ADPRHL1: variants seen among roughly 807,000 people sequenced by gnomAD.
ADPRHL1 encodes ADP-ribosylhydrolase like 1.
In ADPRHL1, 43 loss-of-function variants were observed where a neutral mutation model predicts 44.1. The observed-to-expected ratio is 0.98, with a 90% CI of 0.76 to 1.26. The LOEUF is 1.26. Ranked by LOEUF, ADPRHL1 falls within the 50% of genes most tolerant of loss-of-function variation. The pLI is 0.00. For synonymous variants in ADPRHL1, 878 were observed against 1,017.4 expected (o/e 0.86, Z 2.61); for missense variants, 2,022 against 2,496.9 (o/e 0.81, Z 4.05).
In ADPRHL1 at chr13:113,405,657, C is replaced by T. The variant is rs1170097653; in HGVS notation, c.3625G>A (p.Ala1209Thr). 2.1e-5 allele frequency: 26 copies of T among 1,232,616 alleles called. No homozygotes were observed. Among genetic ancestry groups the T allele is most frequent in the Middle Eastern group, 3.1e-4 (1 of 3,236 alleles). 76.4% of individuals were successfully genotyped at this position (1,232,616 alleles called of 1,614,324 possible). A position where few individuals can be genotyped will look rare whatever the true frequency, so the allele number is the denominator to read the frequency against. ...VQHPEDIATL[A>T]RHPEDAAALA... is the part of the protein sequence containing the mutation. Reference sequence around the variant, plus strand: ...GCCGCAGCATCCTCCGGGTGGCGGGCGAGGGTCGCAATGTCCTCTGGGTGC... The same window carrying T: ...GCCGCAGCATCCTCCGGGTGGCGGGTGAGGGTCGCAATGTCCTCTGGGTGC... The change falls in exon 8 of 8, where the codon GCC (alanine) becomes ACC (threonine). Residue 1209 changes from alanine (A) to threonine (T), a missense_variant. Transcript: ENST00000612156.
chr13:113,412,619 C>T (rs1049678990), intron 7 of ADPRHL1, among the ~76,000 whole-genome samples: 2 of 152,246 alleles, frequency 1.3e-5, no homozygotes, highest in African/African-American at 4.8e-5. Flanking sequence ...TCCAGAGCAG[C>T]GTTGGGCACA....
At chr13:113,436,366 AGGTG>A (rs1329929207) in intron 2 of ADPRHL1, among the ~76,000 whole-genome samples, 7 of 112,146 alleles carry the variant, frequency 6.2e-5, no homozygotes, top group Non-Finnish European at 1.1e-4. Flanking sequence ...CCCAGCACCC[AGGTG>A]TAGGGTGAAC....
In ADPRHL1 at chr13:113,408,091, C is replaced by T. The variant is rs576280147; in HGVS notation, c.1191G>A (p.Thr397=). Reference sequence around the variant, plus strand: ...TCCCCGGGGGCCGGTCTGCGCGGCCCGTGACGTAGAGCAGCAGGCTGCTGA... The same window carrying T: ...TCCCCGGGGGCCGGTCTGCGCGGCCTGTGACGTAGAGCAGCAGGCTGCTGA... ...SILSSLLLYV[T]GRADRPPGTE... The change falls in exon 8 of 8, where the codon ACG becomes ACA. Residue 397 remains threonine (T), a synonymous_variant. Coordinates refer to ENST00000612156, the MANE Select transcript of ADPRHL1 (RefSeq NM_001394807.1). 4.3e-5 allele frequency: 53 copies of T among 1,232,006 alleles called. No homozygotes were observed. Among genetic ancestry groups the T allele is most frequent in the South Asian group, 8.2e-5 (2 of 24,320 alleles). 76.3% of individuals were successfully genotyped at this position (1,232,006 alleles called of 1,614,324 possible).
chr13:113,428,849 C>T lies in ADPRHL1; in HGVS notation c.646+103G>A. 1.3e-5 allele frequency: 20 copies of T among 1,538,078 alleles called. No individual in the cohort carries two copies. In the South Asian group the frequency reaches 2.4e-4, roughly 19 times the overall value. ...GGCCCGGACAGGGCCCTCCCAGTTCCATCTAAGAGCGAAAGTGCCTTGAAG... is the reference window on the plus strand; with the variant it reads ...GGCCCGGACAGGGCCCTCCCAGTTCTATCTAAGAGCGAAAGTGCCTTGAAG... On this transcript the variant is annotated intron_variant, in intron 4 of 7. Coordinates refer to ENST00000612156, the MANE Select transcript of ADPRHL1 (RefSeq NM_001394807.1).
chr13:113,406,427 G>T lies in ADPRHL1; in HGVS notation c.2855C>A (p.Pro952His), dbSNP rs1041548712. ...TLLTQRLQTDPAGGKENKGSF... is the reference protein window; with the variant it reads ...TLLTQRLQTDHAGGKENKGSF... The stretch of plus-strand genomic sequence containing the variant: ...GCCTTTGTTTTCCTTCCCGCCAGCA[G>T]GATCTGTCTGGAGTCTCTGTGTCAG... The change falls in exon 8 of 8, where the codon CCT becomes CAT. Residue 952 changes from proline (P) to histidine (H), a missense_variant. Physicochemically the swap from Pro to His is moderately conservative, Grantham distance 77. Coordinates refer to ENST00000612156, the MANE Select transcript of ADPRHL1 (RefSeq NM_001394807.1). 1.6e-6 allele frequency: 2 copies of T among 1,232,084 alleles called. No individual in the cohort carries two copies. The highest frequency in any genetic ancestry group is 2.0e-6 in the Non-Finnish European group (2 of 987,990). 76.3% of individuals were successfully genotyped at this position (1,232,084 alleles called of 1,614,324 possible).
chr13:113,445,467 G>C (rs910722460), intron 1 of ADPRHL1, among the ~76,000 whole-genome samples: 30 of 152,352 alleles, frequency 2.0e-4, no homozygotes, highest in African/African-American at 7.0e-4. Flanking sequence ...TGGGGCCGGC[G>C]AGGGCGCCCC....
chr13:113,420,499 G>A (rs752743659), intron 7 of ADPRHL1, among the ~76,000 whole-genome samples: 8 of 152,086 alleles, frequency 5.3e-5, no homozygotes, highest in Non-Finnish European at 8.8e-5. Flanking sequence ...TACTACGACC[G>A]TGTTACTTAT....
chr13:113,415,000 G>A (rs1323833056), intron 7 of ADPRHL1, among the ~76,000 whole-genome samples: 1 of 152,118 alleles, frequency 6.6e-6, no homozygotes, highest in Non-Finnish European at 1.5e-5. Context: ...ATGGCTGCTT[G>A]TTCTGTGCCC....
chr13:113,429,154 C>T (rs537663983), intron 3 of ADPRHL1, 62 bp from the exon 4 acceptor site: 23 of 1,559,170 alleles, frequency 1.5e-5, no homozygotes, highest in South Asian at 1.3e-4. Flanking sequence ...GGCCTGGGGC[C>T]GCCCGCCACG....
At position 113,403,502 on chromosome 13, in the gene ADPRHL1, C is replaced by T. The variant is rs947508882; in HGVS notation, c.5780G>A (p.Arg1927His). The change falls in exon 8 of 8, where the codon CGT becomes CAT. Residue 1927 changes from arginine (R) to histidine (H), a missense_variant. Arg to His is a conservative substitution (Grantham distance 29, BLOSUM62 0). Coordinates refer to ENST00000612156, the MANE Select transcript of ADPRHL1 (RefSeq NM_001394807.1). Reference protein sequence around the residue: ...QDRMEASEPERRGRSRHLAKY... With the variant: ...QDRMEASEPEHRGRSRHLAKY... Reference sequence around the variant, plus strand: ...GGCCAGGTGCCTGGACCTCCCGCGACGCTCGGGCTCCGATGCCTCCATCCT... The same window carrying T: ...GGCCAGGTGCCTGGACCTCCCGCGATGCTCGGGCTCCGATGCCTCCATCCT... 1.7e-5 allele frequency: 21 copies of T among 1,231,980 alleles called. No individual in the cohort carries two copies. The African/African-American group carries it at 2.3e-4, about 14-fold the overall frequency. The allele number at this position is 1,231,980 out of a possible 1,614,324, so 76.3% of individuals were successfully genotyped here. A position where few individuals can be genotyped will look rare whatever the true frequency, so the allele number is the denominator to read the frequency against.
At position 113,405,002 on chromosome 13, in the gene ADPRHL1, C is replaced by G; in HGVS notation, c.4280G>C (p.Gly1427Ala). The change falls in exon 8 of 8, where the codon GGG becomes GCG. Residue 1427 changes from glycine (G) to alanine (A), a missense_variant. Transcript: ENST00000612156. Reference sequence around the variant, plus strand: ...GGCGCCCCCAACCCCAATGGCCATCCCTTTGTCCCCGGCCAGATCCTGTGC... The same window carrying G: ...GGCGCCCCCAACCCCAATGGCCATCGCTTTGTCCCCGGCCAGATCCTGTGC... ...WWAQDLAGDK[G>A]MAIGVGGACQ... The G allele has an allele frequency of 8.1e-7, 1 of 1,234,138 alleles. No individual in the cohort carries two copies. Among genetic ancestry groups the G allele is most frequent in the Non-Finnish European group, 1.0e-6 (1 of 989,652 alleles). 76.4% of individuals were successfully genotyped at this position (1,234,138 alleles called of 1,614,324 possible). A position where few individuals can be genotyped will look rare whatever the true frequency, so the allele number is the denominator to read the frequency against.
At position 113,405,533 on chromosome 13, in the gene ADPRHL1, A is replaced by G. The variant is rs201623564; in HGVS notation, c.3749T>C (p.Val1250Ala). Reference sequence around the variant, plus strand: ...GCTGAAACCCAAAAGGTTTCCTTCCACAGCCACATCCTTTCTGCCTCCTAC... The same window carrying G: ...GCTGAAACCCAAAAGGTTTCCTTCCGCAGCCACATCCTTTCTGCCTCCTAC... ...AAVGGRKDVA[V>A]EGNLLGFSTE... is the part of the protein sequence containing the mutation. Residue 1250 changes from valine to alanine, a missense_variant, in exon 8 of 8, where the codon GTG (valine) becomes GCG (alanine). Physicochemically the swap from Val to Ala is moderately conservative, Grantham distance 64. Transcript: ENST00000612156. The G allele has an allele frequency of 8.9e-6, 11 of 1,231,974 alleles. No homozygotes were observed. The highest frequency in any genetic ancestry group is 1.1e-5 in the Non-Finnish European group (11 of 988,270). The allele number at this position is 1,231,974 out of a possible 1,614,324, so 76.3% of individuals were successfully genotyped here.
chr13:113,429,069 C>CCGT lies in ADPRHL1; in HGVS notation c.526_528dup (p.Thr176dup), dbSNP rs2043988625. On this transcript the variant is annotated inframe_insertion, in exon 4 of 8. Transcript: ENST00000612156. ...TGTGCGGCGAACGACACAAACAGGG[C>CCGT]CGTGCACAGGGAGCCCAGGAAGCCT... 5 of 1,611,928 alleles carry CCGT rather than the reference C, an allele frequency of 3.1e-6. No individual in the cohort carries two copies. The East Asian group carries it at 1.1e-4, about 36-fold the overall frequency.
intron 3 of ADPRHL1, among the ~76,000 whole-genome samples, chr13:113,430,127 T>C (rs753688820): frequency 6.6e-6 from 1 of 152,154 alleles, no homozygotes; most frequent in African/African-American, 2.4e-5. Context: ...TCAGGGAACA[T>C]GGCCACGTCT....
intron 1 of ADPRHL1, chr13:113,448,941 C>T: frequency 1.0e-6 from 1 of 985,266 alleles, no homozygotes; most frequent in Non-Finnish European, 1.2e-6. Flanking sequence ...CATACCCGAG[C>T]AATGGCCGAG....
At position 113,441,048 on chromosome 13, in the gene ADPRHL1, G is replaced by A. The variant is rs957474561; in HGVS notation, c.379+3377C>T. 6.6e-6 allele frequency among the ~76,000 whole-genome samples: 1 copy of A among 152,158 alleles called. No homozygotes were observed. Among genetic ancestry groups the A allele is most frequent in the Non-Finnish European group, 1.5e-5 (1 of 68,032 alleles). ...GGCGCCCGTAGTCCCAGCTACTTGG[G>A]AGGTGGAGGCAGGAGAATCAGCTGA... On this transcript the variant is annotated intron_variant, in intron 2 of 7. Transcript: ENST00000612156. The surrounding 1 kb of genome is among the most constrained non-coding windows in gnomAD (Gnocchi z 6.0).
At chr13:113,434,275 G>GT (rs1277329325) in intron 2 of ADPRHL1, among the ~76,000 whole-genome samples, 1 of 151,942 alleles carries the variant, frequency 6.6e-6, no homozygotes, top group African/African-American at 2.4e-5. Flanking sequence ...CAGGCGCAGG[G>GT]TGAACATAGG....
At position 113,409,499 on chromosome 13, in the gene ADPRHL1, T is replaced by C. The variant is rs2043835258; in HGVS notation, c.1062-1279A>G. 1.0e-6 allele frequency: 1 copy of C among 985,380 alleles called. No homozygotes were observed. The highest frequency in any genetic ancestry group is 1.2e-6 in the Non-Finnish European group (1 of 829,918). The allele number at this position is 985,380 out of a possible 1,614,324, so 61.0% of individuals were successfully genotyped here. The stretch of plus-strand genomic sequence containing the variant: ...GTCCAACTCCAGGGCGGCCGCACAA[T>C]GGCACGTCCACATTTGTGGGAGAAG... On this transcript the variant is annotated intron_variant, in intron 7 of 7. Coordinates refer to ENST00000612156, the MANE Select transcript of ADPRHL1 (RefSeq NM_001394807.1). The surrounding 1 kb of genome is among the most constrained non-coding windows in gnomAD (Gnocchi z 4.2).
At chr13:113,422,621 G>A (rs983422817) in intron 7 of ADPRHL1, 10 of 702,852 alleles carry the variant, frequency 1.4e-5, no homozygotes, top group Admixed American at 3.0e-5. Flanking sequence ...GGTGGAGGAC[G>A]GAAAATATTC....
Sources: allele counts gnomAD v4.1 joint callset (sites outside exome capture counted in the v4.1 genomes callset), GRCh38; gene constraint gnomAD v4.1.1; non-coding constraint Gnocchi (gnomAD v3.1); transcripts MANE v1.5; gene names NCBI Gene and HGNC (gene_info 2026-07-23, HGNC 2026-07-21).